Variants in SPAG16 observed in about 807,000 individuals in gnomAD.
The protein encoded by SPAG16 is sperm-associated antigen 16 protein.
A neutral mutation model predicts 80.4 loss-of-function variants in SPAG16; 86 were observed. That is an observed-to-expected ratio of 1.07 (90% CI 0.90 to 1.28). SPAG16 has a LOEUF of 1.28. SPAG16 is among the 50% of genes most tolerant of loss of function. The probability of loss-of-function intolerance (pLI) is 0.00; values close to 1 mark genes in which losing one functional copy is unlikely to be tolerated. For synonymous variants in SPAG16, 294 were observed against 265.9 expected (o/e 1.11, Z -1.03); for missense variants, 870 against 765.3 (o/e 1.14, Z -1.61).
intron 13 of SPAG16, among the ~76,000 whole-genome samples, chr2:214,066,141 C>A (rs573434671): frequency 6.6e-6 from 1 of 152,202 alleles, no homozygotes; most frequent in East Asian, 1.9e-4. Flanking sequence ...TTGCTAATTC[C>A]CTGTCACCTT....
intron 15 of SPAG16, among the ~76,000 whole-genome samples, chr2:214,319,200 CCACA>C (rs61711759): frequency 2.8e-5 from 4 of 142,242 alleles, no homozygotes; most frequent in South Asian, 2.3e-4. Flanking sequence ...CACACACACA[CCACA>C]CACACACACA....
chr2:213,658,790 G>T (rs1296501580), intron 10 of SPAG16, among the ~76,000 whole-genome samples: 1 of 152,196 alleles, frequency 6.6e-6, no homozygotes, highest in Non-Finnish European at 1.5e-5. Flanking sequence ...TGTAATTCCA[G>T]CACTTTAGGA....
chr2:213,718,365 C>T (rs538836819), intron 10 of SPAG16, among the ~76,000 whole-genome samples: 1 of 152,046 alleles, frequency 6.6e-6, no homozygotes, highest in East Asian at 1.9e-4. Flanking sequence ...CGGCACCCCC[C>T]CTGCCTGGGC....
chr2:214,012,261 T>C (rs1311155666), intron 12 of SPAG16, among the ~76,000 whole-genome samples: 1 of 40,702 alleles, frequency 2.5e-5, no homozygotes, highest in Non-Finnish European at 4.9e-5. Context: ...TATACTTACA[T>C]ATATATATAT....
intron 13 of SPAG16, among the ~76,000 whole-genome samples, chr2:214,061,123 C>G (rs960233596): frequency 6.6e-6 from 1 of 152,088 alleles, no homozygotes; most frequent in African/African-American, 2.4e-5. Context: ...TAGAGAAACT[C>G]GAATATCTTC....
chr2:214,301,720 A>G (rs1188105987), intron 15 of SPAG16, among the ~76,000 whole-genome samples: 1 of 152,048 alleles, frequency 6.6e-6, no homozygotes, highest in Non-Finnish European at 1.5e-5. Flanking sequence ...TATTCTTTCA[A>G]AGAACCAACT....
At chr2:213,737,154 AATTGTG>A (rs1419090661) in intron 10 of SPAG16, among the ~76,000 whole-genome samples, 1 of 152,198 alleles carries the variant, frequency 6.6e-6, no homozygotes, top group African/African-American at 2.4e-5. Context: ...AAAATCTATG[AATTGTG>A]ATTGCAGTTT....
At chr2:213,328,951 G>A (rs1420967858) in intron 5 of SPAG16, among the ~76,000 whole-genome samples, 3 of 152,052 alleles carry the variant, frequency 2.0e-5, no homozygotes, top group Non-Finnish European at 2.9e-5. Context: ...TAAGTCTCAC[G>A]AGATCTGATG....
chr2:213,328,110 A>G (rs533636999), intron 5 of SPAG16, among the ~76,000 whole-genome samples: 11 of 152,250 alleles, frequency 7.2e-5, no homozygotes, highest in African/African-American at 2.6e-4. Flanking sequence ...CATTACTCCA[A>G]TGAAGTAACC....
intron 13 of SPAG16, among the ~76,000 whole-genome samples, chr2:214,029,405 G>T (rs1352264090): frequency 6.6e-6 from 1 of 151,974 alleles, no homozygotes; most frequent in Non-Finnish European, 1.5e-5. Context: ...TACTCAGGGT[G>T]GTATGGGAAG....
chr2:214,204,230 C>T (rs1408376577), intron 15 of SPAG16, among the ~76,000 whole-genome samples: 1 of 152,216 alleles, frequency 6.6e-6, no homozygotes, highest in Non-Finnish European at 1.5e-5. Context: ...ACCTGATGGT[C>T]TTTCTGTACC....
At chr2:214,224,363 A>ACAT (rs1467445411) in intron 15 of SPAG16, among the ~76,000 whole-genome samples, 1 of 152,200 alleles carries the variant, frequency 6.6e-6, no homozygotes, top group East Asian at 1.9e-4. Flanking sequence ...ATATATGTAC[A>ACAT]CATAATTTAT....
intron 10 of SPAG16, among the ~76,000 whole-genome samples, chr2:213,785,334 T>C (rs539322094): frequency 6.6e-6 from 1 of 152,306 alleles, no homozygotes; most frequent in Admixed American, 6.5e-5. Flanking sequence ...TCAACTGTGT[T>C]CTGTAGAAAG....
At chr2:214,218,517 C>T (rs1021549269) in intron 15 of SPAG16, among the ~76,000 whole-genome samples, 4 of 152,164 alleles carry the variant, frequency 2.6e-5, no homozygotes, top group Admixed American at 6.5e-5. Context: ...CCACTTTGCT[C>T]CTGCCAGGAA....
At position 213,297,281 on chromosome 2, in the gene SPAG16, G is replaced by A. The variant is rs1218559418; in HGVS notation, c.203G>A (p.Ser68Asn). The A allele has an allele frequency of 5.0e-6, 8 of 1,611,852 alleles. No homozygotes were observed. Among genetic ancestry groups the A allele is most frequent in the Admixed American group, 3.3e-5 (2 of 59,838 alleles). ...ATCTAGATACCAGATGACAATTTTA[G>A]CATCCCAGAAGGTGAAGAAGATCTG... ...EYEEIPDDNFSIPEGEEDLAK... is the reference protein window; with the variant it reads ...EYEEIPDDNFNIPEGEEDLAK... The change falls in exon 3 of 16, where the codon AGC (serine) becomes AAC (asparagine). Residue 68 changes from serine to asparagine, a missense_variant. Transcript: ENST00000331683.
intron 15 of SPAG16, among the ~76,000 whole-genome samples, chr2:214,404,429 T>C (rs535970088): frequency 2.0e-5 from 3 of 152,210 alleles, no homozygotes; most frequent in Non-Finnish European, 2.9e-5. Context: ...CTCTTTGTTG[T>C]TGTTGCTGCT....
chr2:213,755,780 A>T (rs1169069347), intron 10 of SPAG16, among the ~76,000 whole-genome samples: 3 of 152,192 alleles, frequency 2.0e-5, no homozygotes, highest in Non-Finnish European at 4.4e-5. Context: ...TATTAGAAAG[A>T]TATACCCAAG....
At chr2:213,983,397 A>G (rs1227498846) in intron 12 of SPAG16, among the ~76,000 whole-genome samples, 4 of 152,000 alleles carry the variant, frequency 2.6e-5, no homozygotes, top group Non-Finnish European at 4.4e-5. Flanking sequence ...GCTTTATGCC[A>G]AACTGTGGTA....
At chr2:214,232,855 C>T (rs1688795994) in intron 15 of SPAG16, among the ~76,000 whole-genome samples, 1 of 151,316 alleles carries the variant, frequency 6.6e-6, no homozygotes, top group Non-Finnish European at 1.5e-5. Flanking sequence ...TTCAAAAAAG[C>T]CAGGGGCATT....
Sources: gnomAD v4.1 joint callset for allele counts (sites outside exome capture counted in the v4.1 genomes callset) on GRCh38, gnomAD v4.1.1 for gene constraint, MANE v1.5 for transcripts, NCBI Gene and HGNC (gene_info 2026-07-23, HGNC 2026-07-21) for gene names.